Variants in THSD7A observed in about 807,000 individuals in gnomAD.
THSD7A encodes thrombospondin type 1 domain containing 7A.
A neutral mutation model predicts 231.3 loss-of-function variants in THSD7A; 96 were observed. The observed-to-expected ratio is 0.41, with a 90% CI of 0.35 to 0.49. The LOEUF (loss-of-function observed/expected upper bound fraction) is 0.49. THSD7A is among the 20% of genes least tolerant of loss of function. The probability of loss-of-function intolerance (pLI) is 0.05; values close to 1 mark genes in which losing one functional copy is unlikely to be tolerated. For missense variants in THSD7A, 2,290 were observed against 2,070.2 expected (o/e 1.11, Z -2.06); for synonymous variants, 940 against 743.3 (o/e 1.26, Z -4.30).
chr7:11,603,118 AACCTAC>A lies in THSD7A; in HGVS notation c.1023-9622_1023-9617del, dbSNP rs751187355. Among the ~76,000 whole-genome samples, 1,089 of 151,596 alleles carry A rather than the reference AACCTAC, an allele frequency of 7.2e-3. 8 individuals are homozygous for A. The highest frequency in any genetic ancestry group is 0.013 in the Non-Finnish European group (890 of 67,918). Reference sequence around the variant, plus strand: ...CTACAAAATGGGAGAAAATTTTCGCAACCTACTCATCTGACAAAGGGCTAATATCCA... The same window carrying A: ...CTACAAAATGGGAGAAAATTTTCGCATCATCTGACAAAGGGCTAATATCCA... On this transcript the variant is annotated intron_variant, in intron 2 of 27. Coordinates refer to ENST00000423059, the MANE Select transcript of THSD7A (RefSeq NM_015204.3).
At chr7:11,770,798 A>T (rs940378332) in intron 1 of THSD7A, among the ~76,000 whole-genome samples, 12 of 152,168 alleles carry the variant, frequency 7.9e-5, no homozygotes. Flanking sequence ...TCTACTGACT[A>T]TACTGAAATA....
rs1782058722 is a variant in THSD7A, at chr7:11,371,713, T to C, written c.*4081A>G. 1 of 150,754 alleles carries C rather than the reference T, an allele frequency of 6.6e-6. No homozygotes were observed. Among genetic ancestry groups the C allele is most frequent in the African/African-American group, 2.4e-5 (1 of 40,980 alleles). The allele number at this position is 150,754 out of a possible 1,614,324, so 9.3% of individuals were successfully genotyped here. A position where few individuals can be genotyped will look rare whatever the true frequency, so the allele number is the denominator to read the frequency against. ...AGGATATGGGATGGTCTAAAGCAAG[T>C]GTAGGCATGGACATTTTTACAGAAA... On this transcript the variant is annotated 3_prime_UTR_variant, in exon 28 of 28. Transcript: ENST00000423059.
Position 11,646,062 on chromosome 7 carries a change from G to C in THSD7A, c.191-9101C>G, listed in dbSNP as rs142197154. ...TTTCTTAGAGAAAATTCTTCTTCAAGTTAACAGATTCCTAAATCAATGTTT... is the reference window on the plus strand; with the variant it reads ...TTTCTTAGAGAAAATTCTTCTTCAACTTAACAGATTCCTAAATCAATGTTT... On this transcript the variant is annotated intron_variant, in intron 1 of 27. Coordinates refer to ENST00000423059, the MANE Select transcript of THSD7A (RefSeq NM_015204.3). Among the ~76,000 whole-genome samples, 173 of 152,098 alleles carry C rather than the reference G, an allele frequency of 1.1e-3. 2 individuals are homozygous for C. Among genetic ancestry groups the C allele is most frequent in the Middle Eastern group, 6.8e-3 (2 of 294 alleles).
intron 1 of THSD7A, among the ~76,000 whole-genome samples, chr7:11,776,745 A>G (rs539574214): frequency 6.6e-6 from 1 of 152,334 alleles, no homozygotes; most frequent in South Asian, 2.1e-4. Flanking sequence ...CTGGGAGCTA[A>G]AGACGCATCT....
chr7:11,626,931 C>T (rs1781489635), intron 2 of THSD7A, among the ~76,000 whole-genome samples: 1 of 151,976 alleles, frequency 6.6e-6, no homozygotes, highest in Non-Finnish European at 1.5e-5. Context: ...TGAGGATATT[C>T]TTTTACATGT....
chr7:11,582,109 T>G (rs965048853), intron 4 of THSD7A, among the ~76,000 whole-genome samples: 1 of 152,050 alleles, frequency 6.6e-6, no homozygotes, highest in Non-Finnish European at 1.5e-5. Context: ...TATTAGATAG[T>G]CCGTGTAAAA....
At chr7:11,620,800 C>A (rs533824331) in intron 2 of THSD7A, among the ~76,000 whole-genome samples, 1 of 152,280 alleles carries the variant, frequency 6.6e-6, no homozygotes, top group South Asian at 2.1e-4. Flanking sequence ...GTAGAACTAG[C>A]CTGTTTTCAT....
chr7:11,466,828 T>C (rs1785726458), intron 9 of THSD7A, among the ~76,000 whole-genome samples: 1 of 151,978 alleles, frequency 6.6e-6, no homozygotes, highest in African/African-American at 2.4e-5. Context: ...GAGAGAATAG[T>C]ATCCTAGTGG....
intron 1 of THSD7A, chr7:11,821,210 T>A: frequency 2.5e-6 from 3 of 1,181,544 alleles, no homozygotes; most frequent in Non-Finnish European, 3.8e-6. Flanking sequence ...TGGTGAACAA[T>A]GGTCACTATA....
rs80352954 is a variant in THSD7A at position 11,538,177 on chromosome 7, T to G, written c.1822+3242A>C. 1.5e-3 allele frequency among the ~76,000 whole-genome samples: 233 copies of G among 152,306 alleles called. 1 individual carries two copies. The highest frequency in any genetic ancestry group is 5.2e-3 in the African/African-American group (218 of 41,566). The stretch of plus-strand genomic sequence containing the variant: ...TAATGTGGGGAAAAGAAAAGGAAGA[T>G]AGCATAGAAGTTCAGGCATTTGAAA... On this transcript the variant is annotated intron_variant, in intron 6 of 27. Transcript: ENST00000423059.
intron 1 of THSD7A, among the ~76,000 whole-genome samples, chr7:11,690,235 A>C (rs74544441): frequency 6.6e-6 from 1 of 151,914 alleles, no homozygotes; most frequent in South Asian, 2.1e-4. Context: ...CCTTGGTTCA[A>C]GAGGGTGTCA....
intron 1 of THSD7A, among the ~76,000 whole-genome samples, chr7:11,703,244 A>G (rs1780661627): frequency 6.6e-6 from 1 of 151,234 alleles, no homozygotes. Flanking sequence ...TTTTTTTCCC[A>G]AACTGTCTTA....
chr7:11,577,937 T>C (rs929045596), intron 4 of THSD7A, among the ~76,000 whole-genome samples: 15 of 152,170 alleles, frequency 9.9e-5, no homozygotes, highest in East Asian at 1.9e-4. Context: ...ACCATAACTA[T>C]AGAAGTAAAA....
At chr7:11,624,359 T>C (rs1287085640) in intron 2 of THSD7A, among the ~76,000 whole-genome samples, 1 of 152,160 alleles carries the variant, frequency 6.6e-6, no homozygotes, top group East Asian at 1.9e-4. Flanking sequence ...TTTTTCTGCC[T>C]TACCATCAAG....
chr7:11,731,846 C>A (rs1011373063), intron 1 of THSD7A, among the ~76,000 whole-genome samples: 3 of 151,398 alleles, frequency 2.0e-5, no homozygotes, highest in Non-Finnish European at 4.4e-5. Flanking sequence ...TTCCATCCCT[C>A]TGCTTTAGAA....
At chr7:11,447,700 G>A (rs749652857) in intron 11 of THSD7A, among the ~76,000 whole-genome samples, 1 of 151,940 alleles carries the variant, frequency 6.6e-6, no homozygotes, top group Non-Finnish European at 1.5e-5. Flanking sequence ...ATGTATTCAG[G>A]GTTTCAATTC....
chr7:11,595,650 C>T (rs2526110), intron 2 of THSD7A, among the ~76,000 whole-genome samples: 73,340 of 151,970 alleles, frequency 0.48, 20,063 homozygotes, highest in African/African-American at 0.75. Context: ...GTCCAGAATA[C>T]ATACCCTTGA....
chr7:11,554,103 T>C (rs113121598), intron 4 of THSD7A, among the ~76,000 whole-genome samples: 139 of 152,168 alleles, frequency 9.1e-4, no homozygotes, highest in African/African-American at 3.2e-3. Context: ...AGCCAGAATA[T>C]TGATATTATT....
intron 1 of THSD7A, among the ~76,000 whole-genome samples, chr7:11,680,103 G>A (rs1050591985): frequency 2.0e-5 from 3 of 151,478 alleles, no homozygotes; most frequent in African/African-American, 7.3e-5. Context: ...AATGGGGAAA[G>A]GATTCCCTAT....
Sources: allele counts gnomAD v4.1 joint callset (sites outside exome capture counted in the v4.1 genomes callset), GRCh38; gene constraint gnomAD v4.1.1; transcripts MANE v1.5; gene names NCBI Gene and HGNC (gene_info 2026-07-23, HGNC 2026-07-21).